Variants in DSCAML1 observed in about 807,000 individuals in gnomAD.
DSCAML1 encodes DS cell adhesion molecule like 1.
Under a neutral mutation model 200.5 loss-of-function variants are expected in DSCAML1, and 38 were observed. That is an observed-to-expected ratio of 0.19 (90% CI 0.15 to 0.25). DSCAML1 has a LOEUF of 0.25. Among genes scored for constraint, DSCAML1 ranks in the 10% least tolerant of loss-of-function variants. The probability of loss-of-function intolerance (pLI) is 1.00; values close to 1 mark genes in which losing one functional copy is unlikely to be tolerated. For missense variants in DSCAML1, 2,223 were observed against 2,858.8 expected, an observed-to-expected ratio of 0.78 and a Z score of 5.07; for synonymous variants, 1,215 against 1,165.0, an observed-to-expected ratio of 1.04 and a Z score of -0.87.
At chr11:117,519,043 AG>A (rs2049837035) in intron 6 of DSCAML1, among the ~76,000 whole-genome samples, 1 of 152,198 alleles carries the variant, frequency 6.6e-6, no homozygotes, top group African/African-American at 2.4e-5. Context: ...TCATGGACGG[AG>A]GATGGGGATA....
intron 27 of DSCAML1, among the ~76,000 whole-genome samples, chr11:117,434,394 T>G (rs1273320994): frequency 6.6e-6 from 1 of 152,208 alleles, no homozygotes; most frequent in African/African-American, 2.4e-5. Context: ...TATATTTATA[T>G]GTTAAACCTT....
chr11:117,726,236 G>T (rs991145126), intron 3 of DSCAML1, among the ~76,000 whole-genome samples: 1 of 151,016 alleles, frequency 6.6e-6, no homozygotes, highest in African/African-American at 2.5e-5. Context: ...ATTGAATGAG[G>T]TTGTGTGTGT....
chr11:117,573,113 G>A (rs546211426), intron 3 of DSCAML1, among the ~76,000 whole-genome samples: 26 of 152,226 alleles, frequency 1.7e-4, no homozygotes, highest in African/African-American at 6.3e-4. Flanking sequence ...CTGCTTCTAC[G>A]TGGCACCAGC....
At chr11:117,712,498 A>G (rs1480490994) in intron 3 of DSCAML1, among the ~76,000 whole-genome samples, 1 of 152,182 alleles carries the variant, frequency 6.6e-6, no homozygotes, top group Non-Finnish European at 1.5e-5. Context: ...GGGCTGGAAA[A>G]TTTATGAAGT....
At chr11:117,657,968 C>A (rs565924684) in intron 3 of DSCAML1, among the ~76,000 whole-genome samples, 2 of 152,284 alleles carry the variant, frequency 1.3e-5, no homozygotes, top group African/African-American at 4.8e-5. Flanking sequence ...CTGCTTGCTG[C>A]TTCTTGCCAG....
Position 117,438,957 on chromosome 11 carries a change from CAGTG to C in DSCAML1, c.4167_4170del (p.Thr1390SerfsTer11). ...ATGGACGAAGCTGAGGTTTTGGAGA[CAGTG>C]AGGCGGGGCTGGTCCGGGGGAACTG... On this transcript the variant is annotated frameshift_variant, in exon 24 of 33. Coordinates refer to ENST00000651296, the MANE Select transcript of DSCAML1 (RefSeq NM_020693.4). LOFTEE classifies it high-confidence loss of function. 1 of 1,609,144 alleles carries C rather than the reference CAGTG, an allele frequency of 6.2e-7. No individual in the cohort carries two copies.
chr11:117,515,609 G>GTTTTTTTTTTTT (rs2049745748), intron 8 of DSCAML1, among the ~76,000 whole-genome samples: 6 of 57,088 alleles, frequency 1.1e-4, no homozygotes, highest in Non-Finnish European at 1.8e-4. Flanking sequence ...GAGGGACGAA[G>GTTTTTTTTTTTT]CTTTTTTTTT....
intron 16 of DSCAML1, 66 bp from the exon 17 acceptor site, chr11:117,465,248 C>G: frequency 6.3e-7 from 1 of 1,582,246 alleles, no homozygotes; most frequent in Non-Finnish European, 8.6e-7. Context: ...CTCTTAAAAC[C>G]AAAGTCAGAT....
intron 3 of DSCAML1, among the ~76,000 whole-genome samples, chr11:117,597,919 GA>G (rs58659353): frequency 0.61 from 91,581 of 150,208 alleles, 28,331 homozygotes; most frequent in African/African-American, 0.75. Context: ...AAGAAAAAAA[GA>G]AAAAAAAAAG....
intron 3 of DSCAML1, among the ~76,000 whole-genome samples, chr11:117,587,274 A>G (rs2137474738): frequency 7.2e-6 from 1 of 138,728 alleles, no homozygotes; most frequent in South Asian, 2.7e-4. Flanking sequence ...CGATTTAGAT[A>G]CTATTATGAT....
intron 3 of DSCAML1, among the ~76,000 whole-genome samples, chr11:117,716,997 CACCCCAG>C: frequency 7.3e-4 from 1 of 1,374 alleles, no homozygotes; most frequent in Non-Finnish European, 5.0e-3. Context: ...ATCCCAGATG[CACCCCAG>C]ATGCACCCCA....
chr11:117,707,940 T>A (rs2053783235), intron 3 of DSCAML1, among the ~76,000 whole-genome samples: 1 of 152,184 alleles, frequency 6.6e-6, no homozygotes, highest in Non-Finnish European at 1.5e-5. Flanking sequence ...GTCCTCTCTA[T>A]CCCTCAGAGG....
intron 8 of DSCAML1, among the ~76,000 whole-genome samples, chr11:117,515,610 C>CTTTTTTTTTTTTTTTTTTTTTTTTTT (rs56765238): frequency 1.5e-5 from 1 of 65,144 alleles, no homozygotes. Flanking sequence ...AGGGACGAAG[C>CTTTTTTTTTTTTTTTTTTTTTTTTTT]TTTTTTTTTT....
At chr11:117,683,653 G>A (rs1431430778) in intron 3 of DSCAML1, among the ~76,000 whole-genome samples, 3 of 152,140 alleles carry the variant, frequency 2.0e-5, no homozygotes, top group East Asian at 3.9e-4. Context: ...TAGCCTCTCG[G>A]GCCAAATGCC....
chr11:117,501,686 G>A (rs1489945784), intron 11 of DSCAML1, among the ~76,000 whole-genome samples: 1 of 152,096 alleles, frequency 6.6e-6, no homozygotes, highest in East Asian at 1.9e-4. Context: ...CAAGGCTGGA[G>A]AGCAGCCCAT....
At chr11:117,538,313 T>G (rs1228545488) in intron 3 of DSCAML1, among the ~76,000 whole-genome samples, 1 of 152,206 alleles carries the variant, frequency 6.6e-6, no homozygotes, top group African/African-American at 2.4e-5. Flanking sequence ...GAAATAGAAC[T>G]GATGTCACAG....
chr11:117,622,220 G>A (rs945985010), intron 3 of DSCAML1, among the ~76,000 whole-genome samples: 3 of 152,152 alleles, frequency 2.0e-5, no homozygotes, highest in Non-Finnish European at 2.9e-5. Flanking sequence ...TGGTGGCCTG[G>A]AAGCTCTGCA....
chr11:117,808,086 G>T (rs905191608), intron 1 of DSCAML1, among the ~76,000 whole-genome samples: 3 of 152,168 alleles, frequency 2.0e-5, no homozygotes, highest in Non-Finnish European at 4.4e-5. Context: ...TCCCAAAGTG[G>T]TGCGATTACA....
At chr11:117,457,401 CAAG>C (rs1156771248) in intron 19 of DSCAML1, among the ~76,000 whole-genome samples, 6 of 152,118 alleles carry the variant, frequency 3.9e-5, no homozygotes, top group Admixed American at 3.9e-4. Flanking sequence ...GAATAGGAGG[CAAG>C]AAGAAGGCTG....
Sources: allele counts gnomAD v4.1 joint callset (sites outside exome capture counted in the v4.1 genomes callset), GRCh38; gene constraint gnomAD v4.1.1; transcripts MANE v1.5; gene names NCBI Gene and HGNC (gene_info 2026-07-23, HGNC 2026-07-21).